B4GALNT2: variants seen among roughly 807,000 people sequenced by gnomAD.
The protein encoded by B4GALNT2 is beta-1,4-N-acetyl-galactosaminyltransferase 2 (SID blood group).
B4GALNT2 carries 42 observed loss-of-function variants against 51.1 expected under a neutral mutation model. The ratio of observed to expected loss-of-function variants is 0.82; its 90% CI spans 0.64 to 1.06. The LOEUF (loss-of-function observed/expected upper bound fraction) is 1.06. Ranked by LOEUF, B4GALNT2 falls within the 50% of genes least tolerant of loss-of-function variation. The pLI, the probability that B4GALNT2 is intolerant of heterozygous loss-of-function variation, is 0.00. For missense variants in B4GALNT2, 602 were observed against 633.6 expected (o/e 0.95, Z 0.54); for synonymous variants, 253 against 251.7 (o/e 1.01, Z -0.05).
At position 49,175,136 on chromosome 17, in the gene B4GALNT2, C is replaced by T. The variant is rs367843194; in HGVS notation, c.*5408C>T. On this transcript the variant is annotated 3_prime_UTR_variant, in exon 11 of 11. Transcript: ENST00000393354. ...TAAATTGAGTGGGTTGAATTTGCCA[C>T]GTGGACAGCCAGTGCTGTAGAGAAA... The T allele has an allele frequency of 3.3e-5, 5 of 152,266 alleles. No individual in the cohort carries two copies. In the South Asian group the frequency reaches 8.3e-4, roughly 25 times the overall value. The allele number at this position is 152,266 out of a possible 1,614,324, so 9.4% of individuals were successfully genotyped here. A position where few individuals can be genotyped will look rare whatever the true frequency, so the allele number is the denominator to read the frequency against.
At chr17:49,123,632 T>G in the B4GALNT2 span, among the ~76,000 whole-genome samples, 1 of 152,366 alleles carries the variant, frequency 6.6e-6, no homozygotes, top group African/African-American at 2.4e-5. Flanking sequence ...GATGGAACTT[T>G]GTTCCATAGA....
chr17:49,131,603 A>G (rs1416795860), upstream of B4GALNT2, among the ~76,000 whole-genome samples: 1 of 151,868 alleles, frequency 6.6e-6, no homozygotes, highest in Non-Finnish European at 1.5e-5. Flanking sequence ...CCTGGGTTCA[A>G]GAGATTCTCG....
At chr17:49,167,597 C>A (rs897375187) in intron 9 of B4GALNT2, among the ~76,000 whole-genome samples, 1 of 150,222 alleles carries the variant, frequency 6.7e-6, no homozygotes, top group Non-Finnish European at 1.5e-5. Context: ...ATTTTTCAAC[C>A]CTCACCTACT....
chr17:49,174,732 T>C lies in B4GALNT2; in HGVS notation c.*5004T>C, dbSNP rs2042977240. 1 of 152,216 alleles carries C rather than the reference T, an allele frequency of 6.6e-6. No homozygotes were observed. Among genetic ancestry groups the C allele is most frequent in the South Asian group, 2.1e-4 (1 of 4,834 alleles). The allele number at this position is 152,216 out of a possible 1,614,324, so 9.4% of individuals were successfully genotyped here. A position where few individuals can be genotyped will look rare whatever the true frequency, so the allele number is the denominator to read the frequency against. ...TTAGCAGTCATTGTTCTATCCAAAT[T>C]GGCTCATCTGTTAACCATTTTAAAG... On this transcript the variant is annotated 3_prime_UTR_variant, in exon 11 of 11. Transcript: ENST00000393354.
At chr17:49,154,508 T>C (rs1412880214) in intron 4 of B4GALNT2, among the ~76,000 whole-genome samples, 3 of 151,538 alleles carry the variant, frequency 2.0e-5, no homozygotes, top group Non-Finnish European at 2.9e-5. Flanking sequence ...TGAAGTCTTC[T>C]TCTGCTTGTG....
chr17:49,142,914 T>C (rs975212570), intron 3 of B4GALNT2, among the ~76,000 whole-genome samples: 15 of 151,994 alleles, frequency 9.9e-5, no homozygotes, highest in Admixed American at 3.3e-4. Flanking sequence ...TTACAAGGGG[T>C]GTCAACACTC....
Position 49,171,284 on chromosome 17 carries a change from C to A in B4GALNT2, c.*1556C>A, listed in dbSNP as rs1358570737. ...AAACAACACAGATTAAAAGCACAAT[C>A]ATCATTGAAATCACAGAGCTTCCAA... On this transcript the variant is annotated 3_prime_UTR_variant, in exon 11 of 11. Transcript: ENST00000393354. The A allele has an allele frequency of 1.2e-5, 4 of 339,486 alleles. No homozygotes were observed. The Admixed American group carries it at 1.8e-4, about 16-fold the overall frequency. The allele number at this position is 339,486 out of a possible 1,614,324, so 21.0% of individuals were successfully genotyped here. A position where few individuals can be genotyped will look rare whatever the true frequency, so the allele number is the denominator to read the frequency against.
chr17:49,121,705 G>A, the B4GALNT2 span, among the ~76,000 whole-genome samples: 1 of 152,146 alleles, frequency 6.6e-6, no homozygotes, highest in Non-Finnish European at 1.5e-5. Context: ...TGTAACAGTA[G>A]TAAAATGGAC....
Position 49,172,800 on chromosome 17 carries a change from G to C in B4GALNT2, c.*3072G>C, listed in dbSNP as rs1193871728. ...ACACAGGCAGAAGACTCTCCTGATTGGCATGTAGCCCAGACAAAGTGAGAA... is the reference window on the plus strand; with the variant it reads ...ACACAGGCAGAAGACTCTCCTGATTCGCATGTAGCCCAGACAAAGTGAGAA... On this transcript the variant is annotated 3_prime_UTR_variant, in exon 11 of 11. Transcript: ENST00000393354. 1 of 152,108 alleles carries C rather than the reference G, an allele frequency of 6.6e-6. No homozygotes were observed. Among genetic ancestry groups the C allele is most frequent in the African/African-American group, 2.4e-5 (1 of 41,406 alleles). 9.4% of individuals were successfully genotyped at this position (152,108 alleles called of 1,614,324 possible). A position where few individuals can be genotyped will look rare whatever the true frequency, so the allele number is the denominator to read the frequency against.
At chr17:49,151,639 A>G (rs1254062345) in intron 3 of B4GALNT2, among the ~76,000 whole-genome samples, 1 of 151,626 alleles carries the variant, frequency 6.6e-6, no homozygotes, top group African/African-American at 2.4e-5. Context: ...CCAGCTACTA[A>G]GGAGGCTGAG....
intron 4 of B4GALNT2, among the ~76,000 whole-genome samples, chr17:49,154,414 T>G (rs578187368): frequency 1.3e-5 from 2 of 152,004 alleles, no homozygotes; most frequent in Non-Finnish European, 2.9e-5. Context: ...AGTTGAATAT[T>G]ATCAGAGGGA....
At chr17:49,168,274 C>T (rs769767948) in intron 9 of B4GALNT2, among the ~76,000 whole-genome samples, 2 of 152,150 alleles carry the variant, frequency 1.3e-5, no homozygotes, top group Non-Finnish European at 1.5e-5. Flanking sequence ...GAAGACAGCT[C>T]GAGACAAACA....
intron 1 of B4GALNT2, among the ~76,000 whole-genome samples, chr17:49,140,725 C>CTTTTTT (rs3086734): frequency 1.5e-5 from 2 of 131,726 alleles, no homozygotes; most frequent in Non-Finnish European, 1.6e-5. Context: ...CATTACTAAC[C>CTTTTTT]TTTTTTTTTT....
intron 1 of B4GALNT2, 152 bp from the exon 2 acceptor site, chr17:49,141,095 T>C (rs2042639592): frequency 1.5e-6 from 1 of 688,876 alleles, no homozygotes; most frequent in Admixed American, 2.7e-5. Flanking sequence ...TGCAACTTGA[T>C]TCTTTCCTCC....
chr17:49,155,257 C>G (rs978781941), intron 4 of B4GALNT2, among the ~76,000 whole-genome samples: 48 of 142,792 alleles, frequency 3.4e-4, no homozygotes, highest in African/African-American at 1.1e-3. Flanking sequence ...GAGATCACAC[C>G]ACTGCACTCC....
rs1458076203 is a variant in B4GALNT2 at position 49,166,255 on chromosome 17, G to A, written c.1095+1G>A. On this transcript the variant is annotated splice_donor_variant, in intron 9 of 10. Transcript: ENST00000393354. LOFTEE classifies it high-confidence loss of function. ...CCTGGAGAAAACAGAACTGGACGTG[G>A]TAAGGGACAGTTGCCAGTTTCACCC... The A allele has an allele frequency of 6.2e-7, 1 of 1,605,786 alleles. No homozygotes were observed. Among genetic ancestry groups the A allele is most frequent in the Non-Finnish European group, 8.5e-7 (1 of 1,174,832 alleles).
rs80021481 is a variant in B4GALNT2, at chr17:49,142,786, C to T, written c.353+614C>T. Among the ~76,000 whole-genome samples, 767 of 152,284 alleles carry T rather than the reference C, an allele frequency of 5.0e-3. 5 individuals carry two copies. Among genetic ancestry groups the T allele is most frequent in the Middle Eastern group, 0.014 (4 of 294 alleles). On this transcript the variant is annotated intron_variant, in intron 3 of 10. Transcript: ENST00000393354. ...TCTGGTGGTACATCCTCCATGCACC[C>T]AGGCCATCATAGCAGGTGATTTTGT...
chr17:49,130,097 C>T (rs116661177), upstream of B4GALNT2, among the ~76,000 whole-genome samples: 623 of 152,312 alleles, frequency 4.1e-3, 5 homozygotes, highest in African/African-American at 0.015. Flanking sequence ...TGCCTTCCTG[C>T]AGTCATCCCT....
At chr17:49,154,023 G>T (rs55879747) in intron 4 of B4GALNT2, among the ~76,000 whole-genome samples, 39,165 of 146,540 alleles carry the variant, frequency 0.27, 5,707 homozygotes, top group South Asian at 0.45. Context: ...TTTTTTTTTT[G>T]GGGACGGAGT....
Sources: gnomAD v4.1 joint callset for allele counts (sites outside exome capture counted in the v4.1 genomes callset) on GRCh38, gnomAD v4.1.1 for gene constraint, MANE v1.5 for transcripts, NCBI Gene and HGNC (gene_info 2026-07-23, HGNC 2026-07-21) for gene names.